TBC1D8B: variants seen among roughly 807,000 people sequenced by gnomAD.
TBC1D8B encodes the protein RP11-321G1.1.
A neutral mutation model predicts 82.9 loss-of-function variants in TBC1D8B; 75 were observed. That is an observed-to-expected ratio of 0.90 (90% CI 0.75 to 1.10). The LOEUF (loss-of-function observed/expected upper bound fraction) is 1.10, where lower values mean the gene tolerates loss of function less well. Among genes scored for constraint, TBC1D8B ranks in the 50% least tolerant of loss-of-function variants. The pLI is 0.00. For missense variants in TBC1D8B, 794 were observed against 796.9 expected (o/e 1.00, Z 0.04); for synonymous variants, 276 against 276.8 (o/e 1.00, Z 0.03).
At chrX:106,849,220 ATTTTTTTTT>A (rs761948032) in intron 11 of TBC1D8B, 4 of 880,846 alleles carry the variant, frequency 4.5e-6, no homozygotes, top group South Asian at 5.4e-5. Context: ...TTATTTGTGT[ATTTTTTTTT>A]TTTTTTTTTT....
intron 7 of TBC1D8B, among the ~76,000 whole-genome samples, chrX:106,832,927 G>C (rs1316906442): frequency 9.0e-6 from 1 of 110,871 alleles, no homozygotes; most frequent in Admixed American, 9.6e-5. Context: ...ATGATTTTTA[G>C]CTGTGGGGGT....
Position 106,827,284 on chromosome X carries a change from C to T in TBC1D8B, c.1150C>T (p.Leu384Phe), listed in dbSNP as rs750597893. The part of the protein sequence containing the change: ...VKDFEQLVAK[L>F]RLRCGAASTQ... The stretch of plus-strand genomic sequence containing the variant: ...AGACTTTGAACAACTGGTAGCAAAA[C>T]TCAGGCTCAGATGCGGAGCAGCTTC... The change falls in exon 7 of 21, where the codon CTC (leucine) becomes TTC (phenylalanine). Residue 384 changes from leucine (L) to phenylalanine (F), a missense_variant. Physicochemically the swap from Leu to Phe is conservative, Grantham distance 22. Coordinates refer to ENST00000357242, the MANE Select transcript of TBC1D8B (RefSeq NM_017752.3). The T allele has an allele frequency of 9.9e-6, 12 of 1,209,421 alleles. No homozygotes were observed. The highest frequency in any genetic ancestry group is 8.8e-5 in the Admixed American group (4 of 45,663).
intron 16 of TBC1D8B, 32 bp from the exon 17 acceptor site, chrX:106,866,765 A>G: frequency 2.0e-6 from 2 of 985,184 alleles, no homozygotes; most frequent in South Asian, 2.4e-5. Flanking sequence ...CTTTAGATAC[A>G]TGATTATTTA....
At position 106,873,761 on chromosome X, in the gene TBC1D8B, C is replaced by T. The variant is rs1041078108; in HGVS notation, c.3159C>T (p.Pro1053=). 1.4e-5 allele frequency: 17 copies of T among 1,209,655 alleles called. No individual in the cohort carries two copies. Among genetic ancestry groups the T allele is most frequent in the Non-Finnish European group, 1.9e-5 (17 of 895,095 alleles). The part of the protein sequence containing the change: ...FSGTVCGSGG[P]SEEKTGSHLE... Reference sequence around the variant, plus strand: ...GTACTGTCTGTGGTTCTGGAGGACCCAGTGAGGAAAAAACAGGGAGCCACT... The same window carrying T: ...GTACTGTCTGTGGTTCTGGAGGACCTAGTGAGGAAAAAACAGGGAGCCACT... The change falls in exon 21 of 21, where the codon CCC becomes CCT. Residue 1053 remains proline (P), a synonymous_variant. Coordinates refer to ENST00000357242, the MANE Select transcript of TBC1D8B (RefSeq NM_017752.3).
At chrX:106,849,084 T>G (rs1335254351) in intron 11 of TBC1D8B, among the ~76,000 whole-genome samples, 1 of 109,544 alleles carries the variant, frequency 9.1e-6, no homozygotes, top group Admixed American at 9.9e-5. Context: ...GCCAATATTT[T>G]CTTTAATCAT....
chrX:106,867,760 A>G (rs1932823731), intron 17 of TBC1D8B, among the ~76,000 whole-genome samples: 3 of 111,780 alleles, frequency 2.7e-5, no homozygotes, highest in Admixed American at 1.9e-4. Context: ...ATAGCCGGGA[A>G]ACATTCTTTA....
intron 7 of TBC1D8B, among the ~76,000 whole-genome samples, chrX:106,834,208 G>C (rs1367399387): frequency 9.0e-6 from 1 of 111,156 alleles, no homozygotes; most frequent in Non-Finnish European, 1.9e-5. Flanking sequence ...GGCTGGGGAG[G>C]CCTCAGGAAA....
intron 10 of TBC1D8B, among the ~76,000 whole-genome samples, chrX:106,845,474 A>G (rs2147756816): frequency 1.4e-5 from 1 of 73,384 alleles, no homozygotes; most frequent in East Asian, 4.7e-4. Context: ...AACAGTCCCC[A>G]GAGTGTGATG....
chrX:106,870,117 G>T (rs1352778479), intron 19 of TBC1D8B, among the ~76,000 whole-genome samples: 1 of 111,924 alleles, frequency 8.9e-6, no homozygotes. Context: ...TGCAACCTCT[G>T]CCTCCTGGAT....
intron 1 of TBC1D8B, among the ~76,000 whole-genome samples, chrX:106,815,990 A>G (rs1313655664): frequency 2.7e-5 from 3 of 111,620 alleles, no homozygotes; most frequent in East Asian, 2.8e-4. Context: ...ATTCCCTTTG[A>G]AAACTGGCAC....
chrX:106,869,743 A>G (rs1932836124), intron 19 of TBC1D8B, among the ~76,000 whole-genome samples: 2 of 112,184 alleles, frequency 1.8e-5, no homozygotes, highest in African/African-American at 6.5e-5. Context: ...AGTAATAGAT[A>G]ATTCTTAGAA....
chrX:106,802,810 G>A lies in TBC1D8B; in HGVS notation c.-44G>A. On this transcript the variant is annotated 5_prime_UTR_variant, in exon 1 of 21. Coordinates refer to ENST00000357242, the MANE Select transcript of TBC1D8B (RefSeq NM_017752.3). ...AAGAGACGGGTTGAGAGTGAGGTGA[G>A]GAGGGCATCTAGGTCACTGCTCCCG... 1 of 1,206,948 alleles carries A rather than the reference G, an allele frequency of 8.3e-7. No homozygotes were observed. The highest frequency in any genetic ancestry group is 1.1e-6 in the Non-Finnish European group (1 of 892,769).
At chrX:106,825,618 A>T (rs1466429958) in intron 5 of TBC1D8B, among the ~76,000 whole-genome samples, 1 of 111,303 alleles carries the variant, frequency 9.0e-6, no homozygotes, top group African/African-American at 3.3e-5. Flanking sequence ...AATTTTCATT[A>T]TTTTATTTTA....
At chrX:106,844,718 C>T (rs1419638753) in intron 10 of TBC1D8B, among the ~76,000 whole-genome samples, 1 of 109,171 alleles carries the variant, frequency 9.2e-6, no homozygotes, top group East Asian at 2.8e-4. Flanking sequence ...GTGATGTCTT[C>T]GTCTACTTTG....
chrX:106,820,913 G>C lies in TBC1D8B; in HGVS notation c.278G>C (p.Trp93Ser). 8.4e-7 allele frequency: 1 copy of C among 1,189,289 alleles called. No homozygotes were observed. Among genetic ancestry groups the C allele is most frequent in the Non-Finnish European group, 1.1e-6 (1 of 884,945 alleles). The part of the protein sequence containing the change: ...NREEITKHWD[W>S]LEQNIMKTLS... ...GAAGAAATAACCAAGCATTGGGATT[G>C]GTTGGAACAAAATATTATGAAGACC... Residue 93 changes from tryptophan (W) to serine (S), a missense_variant, in exon 3 of 21, where the codon TGG becomes TCG. Coordinates refer to ENST00000357242, the MANE Select transcript of TBC1D8B (RefSeq NM_017752.3).
chrX:106,841,486 G>A lies in TBC1D8B; in HGVS notation c.1719+602G>A, dbSNP rs138043491. 2.8e-3 allele frequency among the ~76,000 whole-genome samples: 308 copies of A among 109,257 alleles called. 2 individuals are homozygous for A. Among genetic ancestry groups the A allele is most frequent in the African/African-American group, 9.7e-3 (280 of 28,845 alleles). The allele number at this position is 109,257 out of a possible 115,157, so 94.9% of individuals were successfully genotyped here. A position where few individuals can be genotyped will look rare whatever the true frequency, so the allele number is the denominator to read the frequency against. ...GTTTAGTTTGGTAGAAACATAGGGT[G>A]GATGAAGTGAAGTAGTTGGAGAAAA... On this transcript the variant is annotated intron_variant, in intron 10 of 20. Coordinates refer to ENST00000357242, the MANE Select transcript of TBC1D8B (RefSeq NM_017752.3).
At chrX:106,870,641 A>G (rs1932842150) in intron 19 of TBC1D8B, 75 bp from the exon 20 acceptor site, 3 of 631,611 alleles carry the variant, frequency 4.7e-6, no homozygotes, top group Non-Finnish European at 7.5e-6. Context: ...CCTTTTAATC[A>G]TAATTATTAT....
chrX:106,832,610 A>C (rs1271493299), intron 7 of TBC1D8B, among the ~76,000 whole-genome samples: 1 of 111,437 alleles, frequency 9.0e-6, no homozygotes, highest in Non-Finnish European at 1.9e-5. Flanking sequence ...CAAGAAAGGT[A>C]GTAATTGAGT....
intron 10 of TBC1D8B, among the ~76,000 whole-genome samples, chrX:106,847,839 C>T (rs1932491318): frequency 9.0e-6 from 1 of 111,230 alleles, no homozygotes; most frequent in Non-Finnish European, 1.9e-5. Flanking sequence ...CGTTTTCTTT[C>T]GTTTTAGTAT....
Sources: gnomAD v4.1 joint callset for allele counts (sites outside exome capture counted in the v4.1 genomes callset) on GRCh38, gnomAD v4.1.1 for gene constraint, MANE v1.5 for transcripts, NCBI Gene and HGNC (gene_info 2026-07-23, HGNC 2026-07-21) for gene names.